ASCC3: variants seen among roughly 807,000 people sequenced by gnomAD.
ASCC3 encodes ASC-1 complex subunit P200.
In ASCC3, 158 loss-of-function variants were observed where a neutral mutation model predicts 256.3. The observed-to-expected ratio is 0.62, with a 90% CI of 0.54 to 0.70. The LOEUF is 0.70. Ranked by LOEUF, ASCC3 falls within the 30% of genes least tolerant of loss-of-function variation. The pLI is 0.00. For missense variants in ASCC3, 2,259 were observed against 2,626.0 expected, an observed-to-expected ratio of 0.86 and a Z score of 3.05; for synonymous variants, 948 against 883.4, an observed-to-expected ratio of 1.07 and a Z score of -1.30.
chr6:100,572,284 A>G (rs1458397748), intron 36 of ASCC3, among the ~76,000 whole-genome samples: 1 of 152,202 alleles, frequency 6.6e-6, no homozygotes, highest in Non-Finnish European at 1.5e-5. Context: ...GTGAGGGCAC[A>G]ACTAGAAGAT....
chr6:100,629,972 A>T (rs1774452617), intron 26 of ASCC3, among the ~76,000 whole-genome samples: 2 of 151,746 alleles, frequency 1.3e-5, no homozygotes, highest in Non-Finnish European at 2.9e-5. Context: ...ATCTCAGCTC[A>T]CTGCAACCTC....
chr6:100,662,232 A>G (rs1007961824), intron 15 of ASCC3, 113 bp downstream of exon 15: 8 of 1,221,202 alleles, frequency 6.6e-6, no homozygotes, highest in Non-Finnish European at 9.1e-6. Flanking sequence ...TTTATAAATA[A>G]CATTCAAAGT....
intron 32 of ASCC3, 113 bp downstream of exon 32, chr6:100,606,627 T>A (rs1772901826): frequency 8.2e-7 from 1 of 1,222,282 alleles, no homozygotes; most frequent in Non-Finnish European, 1.1e-6. Flanking sequence ...TCTGTTTAAA[T>A]GTGACCAATT....
intron 10 of ASCC3, among the ~76,000 whole-genome samples, chr6:100,749,998 C>T (rs538823617): frequency 3.1e-4 from 47 of 151,938 alleles, no homozygotes; most frequent in African/African-American, 1.1e-3. Context: ...TTAACCAGCT[C>T]AAAACTTGTA....
intron 6 of ASCC3, 61 bp downstream of exon 6, chr6:100,800,239 T>C (rs1471011470): frequency 1.3e-6 from 2 of 1,537,910 alleles, no homozygotes; most frequent in Non-Finnish European, 1.8e-6. Flanking sequence ...TAAAAAGTGA[T>C]AATGATATGT....
At chr6:100,676,760 A>ACT (rs1394628038) in intron 14 of ASCC3, among the ~76,000 whole-genome samples, 16 of 103,602 alleles carry the variant, frequency 1.5e-4, no homozygotes, top group Non-Finnish European at 2.0e-5. Context: ...GCACACACAC[A>ACT]CTCACACACA....
At chr6:100,640,208 G>T (rs1218159197) in intron 24 of ASCC3, among the ~76,000 whole-genome samples, 1 of 152,038 alleles carries the variant, frequency 6.6e-6, no homozygotes, top group Non-Finnish European at 1.5e-5. Context: ...GCCGAGATAT[G>T]TTCTTAAAAA....
At chr6:100,842,075 C>A (rs1399147101) in intron 4 of ASCC3, among the ~76,000 whole-genome samples, 7 of 152,140 alleles carry the variant, frequency 4.6e-5, no homozygotes, top group Middle Eastern at 3.2e-3. Context: ...CAACAAAAAA[C>A]CAATACATAT....
intron 1 of ASCC3, among the ~76,000 whole-genome samples, chr6:100,875,828 G>T (rs935333161): frequency 2.0e-5 from 3 of 151,874 alleles, no homozygotes; most frequent in African/African-American, 4.8e-5. Flanking sequence ...TCAGTGAGTT[G>T]AAGGATAAAC....
intron 1 of ASCC3, among the ~76,000 whole-genome samples, chr6:100,875,958 A>C (rs990553527): frequency 6.6e-6 from 1 of 152,198 alleles, no homozygotes; most frequent in Non-Finnish European, 1.5e-5. Flanking sequence ...TACTGAAATA[A>C]TGTGGTTTAA....
intron 30 of ASCC3, among the ~76,000 whole-genome samples, chr6:100,624,459 C>G (rs894601116): frequency 4.6e-5 from 7 of 151,812 alleles, no homozygotes; most frequent in Admixed American, 4.6e-4. Flanking sequence ...TATAATATAT[C>G]AATAAGTTGC....
At chr6:100,841,046 A>G (rs1772120681) in intron 4 of ASCC3, among the ~76,000 whole-genome samples, 1 of 152,196 alleles carries the variant, frequency 6.6e-6, no homozygotes, top group African/African-American at 2.4e-5. Flanking sequence ...TGGTGGCAAA[A>G]TCACAATAAG....
chr6:100,638,651 C>A lies in ASCC3; in HGVS notation c.4072G>T (p.Ala1358Ser). Residue 1358 changes from alanine (A) to serine (S), a missense_variant, in exon 25 of 42, where the codon GCA (alanine) becomes TCA (serine). Ala to Ser is a moderately conservative substitution (Grantham distance 99). Transcript: ENST00000369162. ...ACTCTGAAAATGGCTAATTCAGCTG[C>A]AACAGTCTTTCCCGATCCAGTAGGT... is the stretch of plus-strand genomic sequence containing the variant. The part of the protein sequence containing the change: ...GAPTGSGKTV[A>S]AELAIFRVFN... 6.2e-7 allele frequency: 1 copy of A among 1,613,932 alleles called. No individual in the cohort carries two copies. The highest frequency in any genetic ancestry group is 8.5e-7 in the Non-Finnish European group (1 of 1,179,852).
intron 30 of ASCC3, among the ~76,000 whole-genome samples, chr6:100,624,576 G>A (rs542868162): frequency 1.3e-5 from 2 of 152,070 alleles, no homozygotes; most frequent in East Asian, 3.9e-4. Flanking sequence ...GTAATTAGCA[G>A]TGTACCTGAA....
chr6:100,644,630 G>C (rs1440170893), intron 22 of ASCC3, among the ~76,000 whole-genome samples: 2 of 152,140 alleles, frequency 1.3e-5, no homozygotes, highest in East Asian at 3.9e-4. Context: ...CTTCCTTGCA[G>C]AACCCAGTCT....
chr6:100,638,479 G>A (rs1262688639), intron 25 of ASCC3, 122 bp downstream of exon 25: 8 of 802,838 alleles, frequency 1.0e-5, no homozygotes, highest in Non-Finnish European at 1.4e-5. Context: ...TGGTCCCCTG[G>A]GAAATTCACT....
At chr6:100,719,465 C>T (rs1355630266) in intron 11 of ASCC3, among the ~76,000 whole-genome samples, 3 of 151,844 alleles carry the variant, frequency 2.0e-5, no homozygotes, top group East Asian at 3.9e-4. Flanking sequence ...TTTTAAGACA[C>T]AATAGTTACA....
At chr6:100,609,538 T>G (rs901433627) in intron 30 of ASCC3, among the ~76,000 whole-genome samples, 5 of 151,992 alleles carry the variant, frequency 3.3e-5, no homozygotes, top group Non-Finnish European at 2.9e-5. Context: ...ACATGGAAAA[T>G]ACTTAAAGTA....
At chr6:100,678,734 A>C (rs1372468799) in intron 14 of ASCC3, among the ~76,000 whole-genome samples, 2 of 152,130 alleles carry the variant, frequency 1.3e-5, no homozygotes, top group Non-Finnish European at 2.9e-5. Flanking sequence ...TAAATCAGGA[A>C]GTCAGCATAC....
Sources: gnomAD v4.1 joint callset for allele counts (sites outside exome capture counted in the v4.1 genomes callset) on GRCh38, gnomAD v4.1.1 for gene constraint, MANE v1.5 for transcripts, NCBI Gene and HGNC (gene_info 2026-07-23, HGNC 2026-07-21) for gene names.